The following SLC25A25 variants were observed in gnomAD, a reference collection of about 807,000 sequenced individuals.
SLC25A25 encodes solute carrier family 25 member 25, also known as mitochondrial adenyl nucleotide antiporter SLC25A25.
In SLC25A25, 32 loss-of-function variants were observed where a neutral mutation model predicts 57.7. The observed-to-expected ratio is 0.55, with a 90% CI of 0.42 to 0.74. The LOEUF (loss-of-function observed/expected upper bound fraction) is 0.74. SLC25A25 is among the 30% of genes least tolerant of loss of function. SLC25A25 has a pLI of 0.00. For synonymous variants in SLC25A25, 306 were observed against 291.2 expected (o/e 1.05, Z -0.52); for missense variants, 556 against 701.3 (o/e 0.79, Z 2.34).
At chr9:128,100,198 G>A (rs1588781164) in intron 1 of SLC25A25, among the ~76,000 whole-genome samples, 1 of 116,624 alleles carries the variant, frequency 8.6e-6, no homozygotes, top group South Asian at 3.4e-4. Flanking sequence ...TGTTTGCGAG[G>A]GGGGTAAGTG....
chr9:128,089,569 T>A (rs1374676774), intron 1 of SLC25A25, among the ~76,000 whole-genome samples: 1 of 151,982 alleles, frequency 6.6e-6, no homozygotes, highest in Non-Finnish European at 1.5e-5. Flanking sequence ...TGATACAGGC[T>A]CCTTCAGCTT....
rs1833538920 is a variant in SLC25A25 at position 128,095,732 on chromosome 9, C to T, written c.262-5364C>T. On this transcript the variant is annotated intron_variant, in intron 1 of 10. Transcript: ENST00000373069. This position sits in a 1 kb window ranked among gnomAD's most constrained non-coding sequence, Gnocchi z 4.4. ...GGCTGAGGCAGGAGAATCGCTTGAA[C>T]CCAGGAGGTGGAGGTTGTAGTGAGC... Among the ~76,000 whole-genome samples the T allele has an allele frequency of 6.6e-6, 1 of 152,144 alleles. No individual in the cohort carries two copies. Among genetic ancestry groups the T allele is most frequent in the Non-Finnish European group, 1.5e-5 (1 of 68,026 alleles).
intron 1 of SLC25A25, 37 bp downstream of exon 1, chr9:128,068,617 A>G (rs1457057682): frequency 4.4e-6 from 6 of 1,371,976 alleles, no homozygotes; most frequent in African/African-American, 1.5e-5. Flanking sequence ...GCGGGGAGGG[A>G]GCCCCTCGAG....
Position 128,103,892 on chromosome 9 carries a change from A to T in SLC25A25, c.783+53A>T. On this transcript the variant is annotated intron_variant, in intron 6 of 10. Coordinates refer to ENST00000373069, the MANE Select transcript of SLC25A25 (RefSeq NM_001330988.2). This position sits in a 1 kb window ranked among gnomAD's most constrained non-coding sequence, Gnocchi z 6.7. ...TGGGGGGCCAGTTTCCACCTGGGGGATGCTGCTTGGCTAGTTTTCCCTTTC... is the reference window on the plus strand; with the variant it reads ...TGGGGGGCCAGTTTCCACCTGGGGGTTGCTGCTTGGCTAGTTTTCCCTTTC... The T allele has an allele frequency of 6.8e-7, 1 of 1,480,170 alleles. No individual in the cohort carries two copies. The highest frequency in any genetic ancestry group is 1.4e-5 in the South Asian group (1 of 72,026). The allele number at this position is 1,480,170 out of a possible 1,614,324, so 91.7% of individuals were successfully genotyped here.
At position 128,099,227 on chromosome 9, in the gene SLC25A25, C is replaced by T. The variant is rs1310053038; in HGVS notation, c.262-1869C>T. ...AGCCGAGCTGCAGAGTCCGGAGGCCCCTTGCCACCTCGGCTTCTCGGTTAA... is the reference window on the plus strand; with the variant it reads ...AGCCGAGCTGCAGAGTCCGGAGGCCTCTTGCCACCTCGGCTTCTCGGTTAA... On this transcript the variant is annotated intron_variant, in intron 1 of 10. Coordinates refer to ENST00000373069, the MANE Select transcript of SLC25A25 (RefSeq NM_001330988.2). The surrounding 1 kb of genome is among the most constrained non-coding windows in gnomAD (Gnocchi z 6.8). The T allele has an allele frequency of 7.8e-7, 1 of 1,288,754 alleles. No homozygotes were observed. Among genetic ancestry groups the T allele is most frequent in the Admixed American group, 2.3e-5 (1 of 43,488 alleles). The allele number at this position is 1,288,754 out of a possible 1,614,324, so 79.8% of individuals were successfully genotyped here. A position where few individuals can be genotyped will look rare whatever the true frequency, so the allele number is the denominator to read the frequency against.
At chr9:128,075,739 G>A (rs571881539) in intron 1 of SLC25A25, among the ~76,000 whole-genome samples, 5 of 152,134 alleles carry the variant, frequency 3.3e-5, no homozygotes, top group Non-Finnish European at 5.9e-5. Flanking sequence ...AGCTACTCGG[G>A]AGGCTGAGGC....
chr9:128,106,365 C>A lies in SLC25A25; in HGVS notation c.1057C>A (p.Arg353=). ...TCCTGTTGTGCAGGTCCTGAAGACC[C>A]GGATGGCGCTGCGGAAGACAGGCCA... ...SIYPMEVLKT[R]MALRKTGQYS... Residue 353 remains arginine, a synonymous_variant, in exon 9 of 11, where the codon CGG becomes AGG. Coordinates refer to ENST00000373069, the MANE Select transcript of SLC25A25 (RefSeq NM_001330988.2). 6.2e-7 allele frequency: 1 copy of A among 1,613,658 alleles called. No homozygotes were observed. The highest frequency in any genetic ancestry group is 8.5e-7 in the Non-Finnish European group (1 of 1,179,782).
chr9:128,094,455 T>C (rs1833502596), intron 1 of SLC25A25: 1 of 152,230 alleles, frequency 6.6e-6, no homozygotes, highest in East Asian at 1.9e-4. Context: ...AACTGCCAAG[T>C]GTAGGCAGGT....
chr9:128,089,740 C>A (rs554873333), intron 1 of SLC25A25, among the ~76,000 whole-genome samples: 64 of 151,502 alleles, frequency 4.2e-4, no homozygotes, highest in African/African-American at 1.5e-3. Flanking sequence ...TCAAGTGATC[C>A]TCCCACCTCT....
chr9:128,084,907 G>A (rs79598605), intron 1 of SLC25A25, among the ~76,000 whole-genome samples: 1,877 of 152,288 alleles, frequency 0.012, 54 homozygotes, highest in African/African-American at 0.042. Context: ...TTTTACAAGA[G>A]GGTTACACTT....
chr9:128,102,543 A>C lies in SLC25A25; in HGVS notation c.624+62A>C. The C allele has an allele frequency of 7.3e-7, 1 of 1,366,326 alleles. No homozygotes were observed. The highest frequency in any genetic ancestry group is 1.0e-6 in the Non-Finnish European group (1 of 977,972). The allele number at this position is 1,366,326 out of a possible 1,614,324, so 84.6% of individuals were successfully genotyped here. A position where few individuals can be genotyped will look rare whatever the true frequency, so the allele number is the denominator to read the frequency against. On this transcript the variant is annotated intron_variant, in intron 5 of 10. Transcript: ENST00000373069. This position sits in a 1 kb window ranked among gnomAD's most constrained non-coding sequence, Gnocchi z 4.1. ...AGGGACCCTTAGCCCAGAGTCACCC[A>C]GTCGTCCCCATCCCAGAGTGCAGCT... is the stretch of plus-strand genomic sequence containing the variant.
intron 1 of SLC25A25, among the ~76,000 whole-genome samples, chr9:128,096,512 AAAT>A (rs60386134): frequency 3.3e-5 from 5 of 152,054 alleles, no homozygotes; most frequent in Admixed American, 6.6e-5. Flanking sequence ...TCTGTCTCAA[AAAT>A]AATAATAATA....
chr9:128,070,885 G>A (rs1208973663), intron 1 of SLC25A25, among the ~76,000 whole-genome samples: 2 of 142,488 alleles, frequency 1.4e-5, no homozygotes, highest in Non-Finnish European at 3.0e-5. Context: ...GGGAGGCGGA[G>A]ATTGCGGTGA....
At chr9:128,106,095 A>C in intron 7 of SLC25A25, 55 bp from the exon 8 acceptor site, 2 of 1,593,488 alleles carry the variant, frequency 1.3e-6, no homozygotes, top group Non-Finnish European at 1.7e-6. Context: ...GAGGGGCAGC[A>C]GCAGGTGCCC....
At position 128,103,874 on chromosome 9, in the gene SLC25A25, C is replaced by T; in HGVS notation, c.783+35C>T. The T allele has an allele frequency of 6.7e-7, 1 of 1,488,770 alleles. No individual in the cohort carries two copies. The highest frequency in any genetic ancestry group is 1.4e-5 in the South Asian group (1 of 72,942). 92.2% of individuals were successfully genotyped at this position (1,488,770 alleles called of 1,614,324 possible). The stretch of plus-strand genomic sequence containing the variant: ...GAAAAGGCCCCAGACCCCTGGGGGG[C>T]CAGTTTCCACCTGGGGGATGCTGCT... On this transcript the variant is annotated intron_variant, in intron 6 of 10. Coordinates refer to ENST00000373069, the MANE Select transcript of SLC25A25 (RefSeq NM_001330988.2). The surrounding 1 kb of genome is among the most constrained non-coding windows in gnomAD (Gnocchi z 6.7).
intron 1 of SLC25A25, among the ~76,000 whole-genome samples, chr9:128,089,917 A>G (rs758637498): frequency 6.6e-6 from 1 of 152,064 alleles, no homozygotes; most frequent in Non-Finnish European, 1.5e-5. Context: ...TTACAGGTGT[A>G]AGCCACTGCG....
rs151011078 is a variant in SLC25A25, at chr9:128,078,445, G to A, written c.261+9865G>A. ...GCAACCTGGAGAGGGAGAAGCTTCC[G>A]TGGTGTGGAAGGGGATGTCCGCTGT... On this transcript the variant is annotated intron_variant, in intron 1 of 10. Coordinates refer to ENST00000373069, the MANE Select transcript of SLC25A25 (RefSeq NM_001330988.2). Among the ~76,000 whole-genome samples, 62 of 152,312 alleles carry A rather than the reference G, an allele frequency of 4.1e-4. No homozygotes were observed. In the East Asian group the frequency reaches 0.01, roughly 25 times the overall value.
At chr9:128,072,549 C>G (rs906643985) in intron 1 of SLC25A25, among the ~76,000 whole-genome samples, 3 of 152,160 alleles carry the variant, frequency 2.0e-5, no homozygotes, top group Non-Finnish European at 4.4e-5. Flanking sequence ...AAAAGTAAAC[C>G]AGCAAGTTTT....
Position 128,100,817 on chromosome 9 carries a change from G to A in SLC25A25, c.262-279G>A, listed in dbSNP as rs569796243. 5.1e-3 allele frequency: 2,187 copies of A among 431,300 alleles called. 20 individuals are homozygous for A. The highest frequency in any genetic ancestry group is 7.1e-3 in the Non-Finnish European group (1,680 of 236,120). 26.7% of individuals were successfully genotyped at this position (431,300 alleles called of 1,614,324 possible). A position where few individuals can be genotyped will look rare whatever the true frequency, so the allele number is the denominator to read the frequency against. On this transcript the variant is annotated intron_variant, in intron 1 of 10. Coordinates refer to ENST00000373069, the MANE Select transcript of SLC25A25 (RefSeq NM_001330988.2). The stretch of plus-strand genomic sequence containing the variant: ...CAGCTGTCCCTGTCGGCCTCTGTCC[G>A]GAGGGCTCTTCCCAGGCTCCTTGTT...
Sources: allele counts gnomAD v4.1 joint callset (sites outside exome capture counted in the v4.1 genomes callset), GRCh38; gene constraint gnomAD v4.1.1; non-coding constraint Gnocchi (gnomAD v3.1); transcripts MANE v1.5; gene names NCBI Gene and HGNC (gene_info 2026-07-23, HGNC 2026-07-21).